CYTH4: variants seen among roughly 807,000 people sequenced by gnomAD.
CYTH4 encodes the protein cytohesin 4, also known as cytohesin-4.
CYTH4 carries 22 observed loss-of-function variants against 57.5 expected under a neutral mutation model. That is an observed-to-expected ratio of 0.38 (90% CI 0.27 to 0.55). The LOEUF (loss-of-function observed/expected upper bound fraction) is 0.55. Ranked by LOEUF, CYTH4 falls within the 20% of genes least tolerant of loss-of-function variation. The probability of loss-of-function intolerance (pLI) is 0.74; values close to 1 mark genes in which losing one functional copy is unlikely to be tolerated. For missense variants in CYTH4, 420 were observed against 535.6 expected (o/e 0.78, Z 2.13); for synonymous variants, 186 against 206.5 (o/e 0.90, Z 0.85).
chr22:37,282,663 A>C, intron 1 of CYTH4, 75 bp downstream of exon 1: 1 of 1,321,962 alleles, frequency 7.6e-7, no homozygotes, highest in Non-Finnish European at 1.0e-6. Context: ...CCTGCCTCAC[A>C]GGGTCCTAGA....
rs181588200 is a variant in CYTH4 at position 37,305,380 on chromosome 22, A to G, written c.696+1978A>G. 1.2e-4 allele frequency among the ~76,000 whole-genome samples: 18 copies of G among 152,308 alleles called. No individual in the cohort carries two copies. The East Asian group carries it at 2.9e-3, about 24-fold the overall frequency. On this transcript the variant is annotated intron_variant, in intron 8 of 12. Coordinates refer to ENST00000248901, the MANE Select transcript of CYTH4 (RefSeq NM_013385.5). The stretch of plus-strand genomic sequence containing the variant: ...ATCCTCTTTGGCAACCCAGAGAGGC[A>G]GACACAGACTAAGGGAAAGAACAGA...
At chr22:37,294,898 C>T (rs889944978) in intron 3 of CYTH4, among the ~76,000 whole-genome samples, 174 bp downstream of exon 3, 7 of 152,162 alleles carry the variant, frequency 4.6e-5, no homozygotes, top group African/African-American at 1.4e-4. Flanking sequence ...GGCCCCATCC[C>T]GGGTCTGGTC....
chr22:37,307,981 G>A (rs1412844544), intron 8 of CYTH4, among the ~76,000 whole-genome samples: 1 of 152,202 alleles, frequency 6.6e-6, no homozygotes, highest in South Asian at 2.1e-4. Flanking sequence ...GCTCTCCCAC[G>A]TCACCAGCTC....
intron 8 of CYTH4, chr22:37,304,309 T>A: frequency 2.2e-6 from 1 of 456,110 alleles, no homozygotes. Context: ...TGCACAGTAG[T>A]GGGTGACAGG....
rs1032105278 is a variant in CYTH4 at position 37,314,152 on chromosome 22, T to A, written c.*641T>A. 9 of 387,624 alleles carry A rather than the reference T, an allele frequency of 2.3e-5. No homozygotes were observed. Among genetic ancestry groups the A allele is most frequent in the African/African-American group, 1.9e-4 (9 of 48,436 alleles). 24.0% of individuals were successfully genotyped at this position (387,624 alleles called of 1,614,324 possible). On this transcript the variant is annotated 3_prime_UTR_variant, in exon 13 of 13. Coordinates refer to ENST00000248901, the MANE Select transcript of CYTH4 (RefSeq NM_013385.5). ...TCGCTGTGTGCCCTCTGCCAAGTCA[T>A]GCCCATTCTCTAGTTCTTGCAAAAC...
At chr22:37,285,225 G>T (rs71317038) in intron 1 of CYTH4, among the ~76,000 whole-genome samples, 1 of 152,214 alleles carries the variant, frequency 6.6e-6, no homozygotes, top group African/African-American at 2.4e-5. Flanking sequence ...AGGAGCCGGG[G>T]AGATGGGCAC....
intron 1 of CYTH4, chr22:37,292,285 T>C (rs1177374307): frequency 3.2e-5 from 9 of 277,270 alleles, no homozygotes; most frequent in Non-Finnish European, 4.8e-5. Flanking sequence ...GTCAGACTCT[T>C]TCTAGGTGCT....
chr22:37,305,817 A>T (rs1317301307), intron 8 of CYTH4, among the ~76,000 whole-genome samples: 1 of 152,180 alleles, frequency 6.6e-6, no homozygotes, highest in Admixed American at 6.5e-5. Context: ...ACCCAAAGAG[A>T]GGTCACCTCA....
chr22:37,307,153 G>A (rs1205490970), intron 8 of CYTH4, among the ~76,000 whole-genome samples: 1 of 152,252 alleles, frequency 6.6e-6, no homozygotes, highest in East Asian at 1.9e-4. Flanking sequence ...AGGCCCAGGG[G>A]TTGCGGCAGT....
At chr22:37,303,808 TC>T (rs908125165) in intron 8 of CYTH4, among the ~76,000 whole-genome samples, 12 of 152,160 alleles carry the variant, frequency 7.9e-5, no homozygotes, top group African/African-American at 2.9e-4. Context: ...AAGCCCTCTG[TC>T]CTTTAGAGAG....
rs1293614269 is a variant in CYTH4, at chr22:37,309,220, C to T, written c.705C>T (p.Phe235=). 3 of 1,613,886 alleles carry T rather than the reference C, an allele frequency of 1.9e-6. No individual in the cohort carries two copies. Among genetic ancestry groups the T allele is most frequent in the East Asian group, 2.2e-5 (1 of 44,896 alleles). Residue 235 remains phenylalanine, a synonymous_variant, in exon 9 of 13, where the codon TTC becomes TTT. Transcript: ENST00000248901. ...CCCTTGTCTTGGGGCAGAACCTCTT[C>T]GACAGCATCAAGAGTGAGCCATTCT... ...DLPEDQLRNL[F]DSIKSEPFSI...
At chr22:37,305,631 T>G (rs574806881) in intron 8 of CYTH4, among the ~76,000 whole-genome samples, 26 of 152,302 alleles carry the variant, frequency 1.7e-4, no homozygotes, top group African/African-American at 5.3e-4. Flanking sequence ...TCCTCTTGCC[T>G]TCTGTCTGGG....
chr22:37,285,667 G>C lies in CYTH4; in HGVS notation c.19+3079G>C, dbSNP rs567261497. Among the ~76,000 whole-genome samples the C allele has an allele frequency of 2.1e-4, 32 of 152,014 alleles. No individual in the cohort carries two copies. In the South Asian group the frequency reaches 5.4e-3, roughly 26 times the overall value. ...TGGAGGTTGCAGTGAGCCGAGATCA[G>C]GCCACTGCACTCCAGCCTGGGTAAC... On this transcript the variant is annotated intron_variant, in intron 1 of 12. Coordinates refer to ENST00000248901, the MANE Select transcript of CYTH4 (RefSeq NM_013385.5).
rs568101426 is a variant in CYTH4, at chr22:37,313,603, T to G, written c.*92T>G. ...CCACCTCCCACCCCAGTGCACTCTT[T>G]TGGGCCACAGACATCATTGCTGTTC... On this transcript the variant is annotated 3_prime_UTR_variant, in exon 13 of 13. Transcript: ENST00000248901. 1.7e-6 allele frequency: 2 copies of G among 1,169,162 alleles called. No individual in the cohort carries two copies. Among genetic ancestry groups the G allele is most frequent in the African/African-American group, 3.0e-5 (2 of 66,080 alleles). The allele number at this position is 1,169,162 out of a possible 1,614,324, so 72.4% of individuals were successfully genotyped here. A position where few individuals can be genotyped will look rare whatever the true frequency, so the allele number is the denominator to read the frequency against.
rs1391518401 is a variant in CYTH4, at chr22:37,314,016, G to A, written c.*505G>A. ...GGCTTGGCCCTCTCTGCCTGAGAGA[G>A]CTCAGCACACACACAGCTCAGACCC... On this transcript the variant is annotated 3_prime_UTR_variant, in exon 13 of 13. Transcript: ENST00000248901. 2.6e-5 allele frequency: 7 copies of A among 271,220 alleles called. No individual in the cohort carries two copies. The highest frequency in any genetic ancestry group is 1.5e-4 in the African/African-American group (7 of 45,766). The allele number at this position is 271,220 out of a possible 1,614,324, so 16.8% of individuals were successfully genotyped here. A position where few individuals can be genotyped will look rare whatever the true frequency, so the allele number is the denominator to read the frequency against.
At chr22:37,302,972 A>C (rs180984598) in intron 7 of CYTH4, among the ~76,000 whole-genome samples, 1 of 152,092 alleles carries the variant, frequency 6.6e-6, no homozygotes, top group Admixed American at 6.5e-5. Context: ...GGAGGATTGA[A>C]GCGGAGAGGA....
chr22:37,287,601 G>T (rs960133125), intron 1 of CYTH4, among the ~76,000 whole-genome samples: 18 of 152,074 alleles, frequency 1.2e-4, no homozygotes, highest in African/African-American at 4.3e-4. Flanking sequence ...TTCCAGCACT[G>T]CCTCCCCGGC....
rs1482544154 is a variant in CYTH4 at position 37,297,693 on chromosome 22, G to A, written c.353+11G>A. 1.9e-6 allele frequency: 3 copies of A among 1,608,552 alleles called. No homozygotes were observed. Among genetic ancestry groups the A allele is most frequent in the East Asian group, 2.2e-5 (1 of 44,856 alleles). ...CTACCTGGGGGAGAGGTAAGAACGA[G>A]TGGAGCCTTAGCGAGGCAGGAAATG... On this transcript the variant is annotated intron_variant, in intron 5 of 12. Coordinates refer to ENST00000248901, the MANE Select transcript of CYTH4 (RefSeq NM_013385.5).
intron 12 of CYTH4, among the ~76,000 whole-genome samples, chr22:37,312,595 G>A (rs1929687621): frequency 1.3e-5 from 2 of 152,250 alleles, no homozygotes; most frequent in South Asian, 2.1e-4. Flanking sequence ...CGGCCTACCT[G>A]CACAGCATCC....
Sources: allele counts gnomAD v4.1 joint callset (sites outside exome capture counted in the v4.1 genomes callset), GRCh38; gene constraint gnomAD v4.1.1; transcripts MANE v1.5; gene names NCBI Gene and HGNC (gene_info 2026-07-23, HGNC 2026-07-21).